Variants in TRPM7 observed in about 807,000 individuals in gnomAD.
The protein encoded by TRPM7 is transient receptor potential cation channel subfamily M member 7.
A neutral mutation model predicts 229.7 loss-of-function variants in TRPM7; 134 were observed. That is an observed-to-expected ratio of 0.58 (90% CI 0.51 to 0.67). The LOEUF (loss-of-function observed/expected upper bound fraction) is 0.67, where lower values mean the gene tolerates loss of function less well. TRPM7 is among the 30% of genes least tolerant of loss of function. The pLI is 0.00. For missense variants in TRPM7, 1,901 were observed against 2,210.0 expected, an observed-to-expected ratio of 0.86 and a Z score of 2.80; for synonymous variants, 699 against 715.2, an observed-to-expected ratio of 0.98 and a Z score of 0.36.
intron 13 of TRPM7, among the ~76,000 whole-genome samples, chr15:50,618,569 CAATAAATAAATAAATAAATA>C (rs112152993): frequency 1.4e-5 from 2 of 141,980 alleles, no homozygotes; most frequent in African/African-American, 2.6e-5. Context: ...GATTCCGTCT[CAATAAATAAATAAATAAATA>C]AATAAATAAA....
At chr15:50,628,089 A>G in intron 11 of TRPM7, 60 bp downstream of exon 11, 1 of 1,245,832 alleles carries the variant, frequency 8.0e-7, no homozygotes, top group Non-Finnish European at 1.2e-6. Flanking sequence ...AGTTCCCGCA[A>G]ATACTTTTTT....
chr15:50,562,213 A>C (rs550704703), intron 38 of TRPM7, among the ~76,000 whole-genome samples: 1 of 152,282 alleles, frequency 6.6e-6, no homozygotes, highest in South Asian at 2.1e-4. Context: ...GATCATTTCT[A>C]ATCAATTTTT....
chr15:50,579,041 T>C (rs2054274574), intron 30 of TRPM7, among the ~76,000 whole-genome samples: 1 of 152,176 alleles, frequency 6.6e-6, no homozygotes, highest in Non-Finnish European at 1.5e-5. Flanking sequence ...ATGCTAGAAA[T>C]ATTTCAATAG....
chr15:50,583,260 A>T, intron 28 of TRPM7, 101 bp from the exon 29 acceptor site: 1 of 688,774 alleles, frequency 1.5e-6, no homozygotes, highest in Non-Finnish European at 2.3e-6. Context: ...TAACCTTCAT[A>T]AGATAACTCA....
intron 19 of TRPM7, 146 bp downstream of exon 19, chr15:50,609,435 A>G (rs2060005239): frequency 3.6e-6 from 3 of 824,714 alleles, no homozygotes; most frequent in Non-Finnish European, 5.3e-6. Flanking sequence ...AATTTAAATG[A>G]AACTAAGGCA....
intron 38 of TRPM7, among the ~76,000 whole-genome samples, chr15:50,568,364 T>A (rs1596055457): frequency 6.6e-6 from 1 of 151,174 alleles, no homozygotes; most frequent in Non-Finnish European, 1.5e-5. Context: ...TTATTGTCTA[T>A]ACAAAAAAAA....
At chr15:50,659,150 G>A (rs1320585661) in intron 2 of TRPM7, among the ~76,000 whole-genome samples, 2 of 149,004 alleles carry the variant, frequency 1.3e-5, no homozygotes, top group Admixed American at 6.7e-5. Context: ...GTGAGACTAC[G>A]CCACTGCACA....
chr15:50,640,553 T>C (rs982534937), intron 5 of TRPM7, among the ~76,000 whole-genome samples: 1 of 151,824 alleles, frequency 6.6e-6, no homozygotes, highest in Non-Finnish European at 1.5e-5. Flanking sequence ...CCCAAAGTGC[T>C]GGGATTATAG....
intron 7 of TRPM7, 138 bp downstream of exon 7, chr15:50,637,284 C>T (rs2060937170): frequency 5.4e-6 from 4 of 743,310 alleles, no homozygotes; most frequent in Non-Finnish European, 8.2e-6. Context: ...TGTCTAAGAT[C>T]AACCACTGTT....
At chr15:50,650,689 G>A (rs377715571) in intron 3 of TRPM7, among the ~76,000 whole-genome samples, 3 of 149,572 alleles carry the variant, frequency 2.0e-5, no homozygotes, top group East Asian at 4.0e-4. Flanking sequence ...AGCAAGACTG[G>A]GTCTCAAAAA....
chr15:50,575,633 T>G, intron 33 of TRPM7, 91 bp downstream of exon 33: 1 of 1,102,178 alleles, frequency 9.1e-7, no homozygotes, highest in Non-Finnish European at 1.3e-6. Context: ...TTGATACTTC[T>G]TAATGTAATC....
At chr15:50,654,045 T>C (rs2061492925) in intron 3 of TRPM7, among the ~76,000 whole-genome samples, 1 of 151,836 alleles carries the variant, frequency 6.6e-6, no homozygotes, top group Non-Finnish European at 1.5e-5. Context: ...AAGAAGAAAA[T>C]CAAACCTGAA....
At position 50,592,151 on chromosome 15, in the gene TRPM7, G is replaced by T; in HGVS notation, c.4084C>A (p.Pro1362Thr). 1 of 1,613,776 alleles carries T rather than the reference G, an allele frequency of 6.2e-7. No homozygotes were observed. Among genetic ancestry groups the T allele is most frequent in the Non-Finnish European group, 8.5e-7 (1 of 1,179,894 alleles). Residue 1362 changes from proline to threonine, a missense_variant, in exon 26 of 39, where the codon CCT (proline) becomes ACT (threonine). By Grantham distance (38) the Pro-to-Thr change is conservative. Around this residue, in one of 8 missense-constraint regions of TRPM7, gnomAD observed 533 missense variants for 497.1 expected, o/e 1.07. Transcript: ENST00000646667. Reference sequence around the variant, plus strand: ...TGTAGTCTCTGTCGCAGTTCTGGAGGGGAAACAGCACTTGGGAATAAGGCA... The same window carrying T: ...TGTAGTCTCTGTCGCAGTTCTGGAGTGGAAACAGCACTTGGGAATAAGGCA... ...SGALFPSAVSPPELRQRLHGV... is the reference protein window; with the variant it reads ...SGALFPSAVSTPELRQRLHGV...
intron 12 of TRPM7, among the ~76,000 whole-genome samples, 169 bp downstream of exon 12, chr15:50,623,997 A>C (rs1165886726): frequency 6.6e-6 from 1 of 152,168 alleles, no homozygotes; most frequent in Non-Finnish European, 1.5e-5. Flanking sequence ...AAACAAGGAA[A>C]GGGTTTCAGA....
At chr15:50,656,352 T>A (rs181626717) in intron 3 of TRPM7, among the ~76,000 whole-genome samples, 129 of 151,972 alleles carry the variant, frequency 8.5e-4, no homozygotes, top group Non-Finnish European at 1.6e-3. Flanking sequence ...CAGGCAGGAG[T>A]GCAGTGGTGT....
At chr15:50,647,098 A>G (rs932370735) in intron 4 of TRPM7, among the ~76,000 whole-genome samples, 1 of 152,232 alleles carries the variant, frequency 6.6e-6, no homozygotes, top group Non-Finnish European at 1.5e-5. Flanking sequence ...AACAAGTTAA[A>G]AATGCATTTT....
At chr15:50,588,178 A>G in intron 27 of TRPM7, 12 of 978,454 alleles carry the variant, frequency 1.2e-5, no homozygotes, top group Non-Finnish European at 1.5e-5. Context: ...TGCATATACT[A>G]AAGAGACTTT....
chr15:50,673,544 C>T (rs1442572183), intron 1 of TRPM7, among the ~76,000 whole-genome samples: 1 of 152,056 alleles, frequency 6.6e-6, no homozygotes, highest in Non-Finnish European at 1.5e-5. Flanking sequence ...TCCTGAGTTA[C>T]TTCACTTAGA....
chr15:50,570,677 TAAAAAAA>T (rs149970874), intron 36 of TRPM7, among the ~76,000 whole-genome samples: 5 of 91,748 alleles, frequency 5.4e-5, no homozygotes, highest in African/African-American at 2.2e-4. Flanking sequence ...ACTTCATTCC[TAAAAAAA>T]AAAAAAAAAA....
Sources: allele counts gnomAD v4.1 joint callset (sites outside exome capture counted in the v4.1 genomes callset), GRCh38; gene constraint gnomAD v4.1.1; regional missense constraint gnomAD v4.1.1; transcripts MANE v1.5; gene names NCBI Gene and HGNC (gene_info 2026-07-23, HGNC 2026-07-21).